NCK1: variants seen among roughly 807,000 people sequenced by gnomAD.
NCK1 encodes the protein NCK adaptor protein 1.
A neutral mutation model predicts 36.6 loss-of-function variants in NCK1; 19 were observed. That is an observed-to-expected ratio of 0.52 (90% CI 0.36 to 0.76). The LOEUF is 0.76. Among genes scored for constraint, NCK1 ranks in the 30% least tolerant of loss-of-function variants. NCK1 has a pLI of 0.00. For missense variants in NCK1, 358 were observed against 445.6 expected (o/e 0.80, Z 1.77); for synonymous variants, 165 against 156.0 (o/e 1.06, Z -0.43).
intron 1 of NCK1, among the ~76,000 whole-genome samples, chr3:136,872,619 C>T (rs553467279): frequency 1.3e-3 from 198 of 152,324 alleles, no homozygotes; most frequent in Non-Finnish European, 2.4e-3. Context: ...GTCTGCAGGG[C>T]GTGTCGGAGG....
At chr3:136,940,686 A>C (rs1204215294) in intron 2 of NCK1, among the ~76,000 whole-genome samples, 1 of 152,024 alleles carries the variant, frequency 6.6e-6, no homozygotes, top group Non-Finnish European at 1.5e-5. Context: ...CTGGGATTAC[A>C]GGCACCTGAC....
At chr3:136,931,973 A>G (rs540376461) in intron 2 of NCK1, among the ~76,000 whole-genome samples, 81 of 152,284 alleles carry the variant, frequency 5.3e-4, no homozygotes, top group African/African-American at 1.9e-3. Flanking sequence ...TGCAAACATT[A>G]GCTGGGCGTG....
chr3:136,868,215 C>T (rs1014503359), intron 1 of NCK1, among the ~76,000 whole-genome samples: 1 of 152,112 alleles, frequency 6.6e-6, no homozygotes, highest in African/African-American at 2.4e-5. Context: ...CATGCCCAGC[C>T]TTACATTGTA....
At position 136,890,275 on chromosome 3, in the gene NCK1, G is replaced by A. The variant is rs550624016; in HGVS notation, c.-19+27922G>A. Among the ~76,000 whole-genome samples the A allele has an allele frequency of 7.2e-5, 11 of 152,064 alleles. No homozygotes were observed. In the East Asian group the frequency reaches 1.4e-3, roughly 19 times the overall value. On this transcript the variant is annotated intron_variant, in intron 1 of 3. Coordinates refer to ENST00000481752, the MANE Select transcript of NCK1 (RefSeq NM_001291999.2). ...CCCCCACTGTCCGGCCGGCAGGGCC[G>A]GCCGGCTGCTCTGAGTGCGTGCGGG...
At chr3:136,894,863 T>A (rs1939349503) in intron 1 of NCK1, among the ~76,000 whole-genome samples, 1 of 82,190 alleles carries the variant, frequency 1.2e-5, no homozygotes, top group Non-Finnish European at 2.7e-5. Flanking sequence ...ATAAGCTGAT[T>A]TTTTTGTTTT....
rs1356831934 is a variant in NCK1 at position 136,950,546 on chromosome 3, TA to T, written c.*2098del. Among the ~76,000 whole-genome samples the T allele has an allele frequency of 6.6e-6, 1 of 152,182 alleles. No individual in the cohort carries two copies. The highest frequency in any genetic ancestry group is 1.5e-5 in the Non-Finnish European group (1 of 68,006). On this transcript the variant is annotated 3_prime_UTR_variant, in exon 4 of 4. Transcript: ENST00000481752. Reference sequence around the variant, plus strand: ...TGTACTTAAATATTTTACCAATTTTTAAAAAGTCTTAATCCAATGCTTATAC... The same window carrying T: ...TGTACTTAAATATTTTACCAATTTTTAAAAGTCTTAATCCAATGCTTATAC...
intron 1 of NCK1, among the ~76,000 whole-genome samples, chr3:136,905,655 C>T (rs971501676): frequency 8.5e-5 from 13 of 152,138 alleles, no homozygotes; most frequent in African/African-American, 3.1e-4. Context: ...GACAGGGTCT[C>T]ACTCTGTTGC....
intron 1 of NCK1, among the ~76,000 whole-genome samples, chr3:136,903,759 G>C (rs1939608702): frequency 9.0e-6 from 1 of 110,780 alleles, no homozygotes; most frequent in Non-Finnish European, 1.9e-5. Context: ...TGGAAAGTTT[G>C]ATCAGTTTAC....
intron 1 of NCK1, among the ~76,000 whole-genome samples, chr3:136,866,312 C>CT (rs35197703): frequency 0.081 from 11,548 of 143,332 alleles, 487 homozygotes; most frequent in Non-Finnish European, 0.099. Flanking sequence ...TTCTTTCTTT[C>CT]TTTTTTTTTT....
At chr3:136,919,163 A>G (rs2108119921) in intron 1 of NCK1, among the ~76,000 whole-genome samples, 1 of 152,316 alleles carries the variant, frequency 6.6e-6, no homozygotes, top group South Asian at 2.1e-4. Context: ...ATAGATCAAT[A>G]GTTGTCACAA....
Position 136,945,899 on chromosome 3 carries a change from A to C in NCK1, c.543A>C (p.Ala181=). ...HVGSLSEKLA[A]VVNNLNTGQV... ...GTTCTCTGTCAGAGAAATTAGCAGC[A>C]GTCGTCAATAACCTAAATACTGGGC... The change falls in exon 3 of 4, where the codon GCA becomes GCC. Residue 181 remains alanine (A), a synonymous_variant. Transcript: ENST00000481752. 3 of 1,614,136 alleles carry C rather than the reference A, an allele frequency of 1.9e-6. No homozygotes were observed. The South Asian group carries it at 3.3e-5, about 18-fold the overall frequency.
intron 1 of NCK1, among the ~76,000 whole-genome samples, chr3:136,867,090 TTC>T (rs1938448576): frequency 7.0e-5 from 1 of 14,208 alleles, no homozygotes; most frequent in African/African-American, 2.6e-4. Context: ...CTTTCTTTCT[TTC>T]TTTCTTTCTT....
rs1560055771 is a variant in NCK1, at chr3:136,944,111, C to CTTTTTTTTTTTTTTT, written c.227-1472_227-1471insTTTTTTTTTTTTTTT. 1.5e-4 allele frequency among the ~76,000 whole-genome samples: 12 copies of CTTTTTTTTTTTTTTT among 80,922 alleles called. 2 individuals are homozygous for CTTTTTTTTTTTTTTT. Among genetic ancestry groups the CTTTTTTTTTTTTTTT allele is most frequent in the African/African-American group, 5.7e-4 (10 of 17,454 alleles). 53.1% of individuals were successfully genotyped at this position (80,922 alleles called of 152,430 possible). A position where few individuals can be genotyped will look rare whatever the true frequency, so the allele number is the denominator to read the frequency against. ...AAAGTCGAGGGAAAAGGAAAAACAA[C>CTTTTTTTTTTTTTTT]CTTTTTTTTTTTTTTTTTTTTTTTT... On this transcript the variant is annotated intron_variant, in intron 2 of 3. Coordinates refer to ENST00000481752, the MANE Select transcript of NCK1 (RefSeq NM_001291999.2).
intron 1 of NCK1, among the ~76,000 whole-genome samples, chr3:136,897,270 A>G (rs995682416): frequency 2.0e-5 from 3 of 151,870 alleles, no homozygotes; most frequent in Non-Finnish European, 4.4e-5. Context: ...TTGTATTTTT[A>G]GTAGAGATGG....
intron 2 of NCK1, among the ~76,000 whole-genome samples, chr3:136,937,186 C>T (rs952637513): frequency 7.2e-5 from 11 of 152,070 alleles, no homozygotes; most frequent in Non-Finnish European, 1.5e-4. Context: ...TATAGATATC[C>T]ATTTGTTCCA....
chr3:136,934,660 GC>G (rs1471040473), intron 2 of NCK1, among the ~76,000 whole-genome samples: 2 of 152,008 alleles, frequency 1.3e-5, no homozygotes, highest in East Asian at 3.9e-4. Context: ...ACTCTCCTTT[GC>G]CCACCCTTCC....
chr3:136,898,494 T>C (rs775277053), intron 1 of NCK1, among the ~76,000 whole-genome samples: 27 of 152,114 alleles, frequency 1.8e-4, no homozygotes, highest in Admixed American at 3.9e-4. Flanking sequence ...CTAAATGTCT[T>C]CAAATTCTAT....
At chr3:136,884,451 T>C (rs1029386273) in intron 1 of NCK1, among the ~76,000 whole-genome samples, 2 of 151,428 alleles carry the variant, frequency 1.3e-5, no homozygotes, top group African/African-American at 4.8e-5. Flanking sequence ...TTGTCTTTTC[T>C]TTTTTTTTGA....
rs931590796 is a variant in NCK1 at position 136,949,363 on chromosome 3, A to G, written c.*910A>G. On this transcript the variant is annotated 3_prime_UTR_variant, in exon 4 of 4. Transcript: ENST00000481752. ...ATACTTGTTTTTTTCTCCTCACTAA[A>G]TATCAGTAATTGTCAGGAATGGTAT... 3 of 151,980 alleles carry G rather than the reference A, an allele frequency of 2.0e-5. No homozygotes were observed. Among genetic ancestry groups the G allele is most frequent in the African/African-American group, 7.2e-5 (3 of 41,446 alleles). The allele number at this position is 151,980 out of a possible 1,614,324, so 9.4% of individuals were successfully genotyped here. A position where few individuals can be genotyped will look rare whatever the true frequency, so the allele number is the denominator to read the frequency against.
Sources: allele counts gnomAD v4.1 joint callset (sites outside exome capture counted in the v4.1 genomes callset), GRCh38; gene constraint gnomAD v4.1.1; transcripts MANE v1.5; gene names NCBI Gene and HGNC (gene_info 2026-07-23, HGNC 2026-07-21).